Variants in RMDN2 observed in about 807,000 individuals in gnomAD.
RMDN2 encodes the protein regulator of microtubule dynamics protein 2.
Under a neutral mutation model 52.8 loss-of-function variants are expected in RMDN2, and 61 were observed. That is an observed-to-expected ratio of 1.16 (90% CI 0.94 to 1.43). The LOEUF (loss-of-function observed/expected upper bound fraction) is 1.43, where lower values mean the gene tolerates loss of function less well. Ranked by LOEUF, RMDN2 falls within the 40% of genes most tolerant of loss-of-function variation. The pLI is 0.00. For synonymous variants in RMDN2, 180 were observed against 153.1 expected (o/e 1.18, Z -1.30); for missense variants, 592 against 475.3 (o/e 1.25, Z -2.28).
chr2:37,956,799 C>T (rs1669531374), intron 2 of RMDN2, among the ~76,000 whole-genome samples: 1 of 152,074 alleles, frequency 6.6e-6, no homozygotes, highest in African/African-American at 2.4e-5. Flanking sequence ...AACGCTACCC[C>T]TCCCCTTGCT....
chr2:37,930,759 G>A (rs1162553654), intron 2 of RMDN2, among the ~76,000 whole-genome samples: 1 of 152,200 alleles, frequency 6.6e-6, no homozygotes, highest in Non-Finnish European at 1.5e-5. Flanking sequence ...CTTCCCTGGT[G>A]GACTCCAGAG....
At chr2:37,933,585 C>T (rs895929835) in intron 2 of RMDN2, among the ~76,000 whole-genome samples, 4 of 152,260 alleles carry the variant, frequency 2.6e-5, no homozygotes, top group Non-Finnish European at 4.4e-5. Flanking sequence ...GCCCGGCCAA[C>T]ACAGCGAAAC....
intron 10 of RMDN2, among the ~76,000 whole-genome samples, chr2:38,061,370 G>C (rs867408879): frequency 1.3e-5 from 2 of 152,152 alleles, no homozygotes; most frequent in East Asian, 1.9e-4. Context: ...GCTGATTATG[G>C]GCCAATGTCA....
At chr2:38,057,584 C>G (rs1681895842) in intron 10 of RMDN2, among the ~76,000 whole-genome samples, 1 of 152,110 alleles carries the variant, frequency 6.6e-6, no homozygotes. Context: ...GATATAGAAA[C>G]CACTTTATTT....
intron 10 of RMDN2, among the ~76,000 whole-genome samples, chr2:38,008,970 G>A (rs1214331296): frequency 1.3e-5 from 2 of 152,152 alleles, no homozygotes; most frequent in East Asian, 1.9e-4. Context: ...ATGAAGCTTA[G>A]TTTGGCTGGA....
intron 8 of RMDN2, among the ~76,000 whole-genome samples, chr2:38,000,669 T>C (rs1676195030): frequency 6.6e-6 from 1 of 152,248 alleles, no homozygotes; most frequent in African/African-American, 2.4e-5. Context: ...TTATTGAGTG[T>C]ATCAGCAGCT....
At chr2:38,019,193 G>T (rs1027985454), downstream of RMDN2, among the ~76,000 whole-genome samples, 2 of 152,174 alleles carry the variant, frequency 1.3e-5, no homozygotes, top group African/African-American at 4.8e-5. Context: ...AGCACCAAAT[G>T]ACATAGAATC....
intron 2 of RMDN2, among the ~76,000 whole-genome samples, chr2:37,945,020 C>T (rs190953668): frequency 7.2e-5 from 11 of 152,262 alleles, no homozygotes; most frequent in Admixed American, 3.9e-4. Flanking sequence ...ATTGGGATAA[C>T]GTCGAAGAAA....
chr2:38,045,069 GAGT>G (rs1422435623), intron 10 of RMDN2, among the ~76,000 whole-genome samples: 1 of 151,906 alleles, frequency 6.6e-6, no homozygotes, highest in East Asian at 1.9e-4. Context: ...TTTTTGTCAA[GAGT>G]AGGTTTATAT....
intron 10 of RMDN2, among the ~76,000 whole-genome samples, chr2:38,054,020 C>T (rs1681746594): frequency 6.6e-6 from 1 of 152,136 alleles, no homozygotes; most frequent in African/African-American, 2.4e-5. Context: ...GATTAATTTC[C>T]AGTTGACCAC....
At chr2:38,011,135 CCATGGGT>C (rs1677928371) in intron 10 of RMDN2, among the ~76,000 whole-genome samples, 1 of 152,172 alleles carries the variant, frequency 6.6e-6, no homozygotes, top group South Asian at 2.1e-4. Flanking sequence ...AGGGGAGTGA[CCATGGGT>C]TGCCATCCTC....
intron 2 of RMDN2, among the ~76,000 whole-genome samples, chr2:37,967,732 T>A (rs541756254): frequency 2.4e-4 from 36 of 152,358 alleles, no homozygotes; most frequent in African/African-American, 8.7e-4. Flanking sequence ...AGAGTTTCTT[T>A]CAGTGGGAAA....
At chr2:38,033,494 C>G (rs1349347566) in intron 10 of RMDN2, among the ~76,000 whole-genome samples, 1 of 152,192 alleles carries the variant, frequency 6.6e-6, no homozygotes, top group Non-Finnish European at 1.5e-5. Flanking sequence ...GTGATACAAT[C>G]CCAACAATCA....
chr2:38,037,234 G>A (rs962639425), intron 10 of RMDN2, among the ~76,000 whole-genome samples: 1 of 152,100 alleles, frequency 6.6e-6, no homozygotes, highest in African/African-American at 2.4e-5. Flanking sequence ...CAAATAAATG[G>A]ACATAAAGCA....
chr2:37,981,827 CA>C (rs573016623), intron 5 of RMDN2, among the ~76,000 whole-genome samples: 2,167 of 147,370 alleles, frequency 0.015, 24 homozygotes, highest in Middle Eastern at 0.035. Context: ...ATCCTTAGAG[CA>C]AAAAAAAAAT....
chr2:38,059,047 A>G (rs898625612), intron 10 of RMDN2, among the ~76,000 whole-genome samples: 2 of 152,216 alleles, frequency 1.3e-5, no homozygotes, highest in Admixed American at 1.3e-4. Context: ...AAAACGTCCA[A>G]TAAATTGAAA....
chr2:38,021,938 G>A (rs1330207266), downstream of RMDN2, among the ~76,000 whole-genome samples: 1 of 152,212 alleles, frequency 6.6e-6, no homozygotes, highest in East Asian at 1.9e-4. Context: ...CTGCTATAGA[G>A]GATACATAGG....
At chr2:37,960,158 C>T (rs935981230) in intron 2 of RMDN2, among the ~76,000 whole-genome samples, 1 of 152,032 alleles carries the variant, frequency 6.6e-6, no homozygotes, top group Admixed American at 6.6e-5. Context: ...TCTATTAGGT[C>T]CTCTTGATCC....
chr2:37,934,162 C>G (rs994535478), intron 2 of RMDN2, among the ~76,000 whole-genome samples: 30 of 152,190 alleles, frequency 2.0e-4, no homozygotes, highest in African/African-American at 7.2e-4. Flanking sequence ...ATATCAGCCA[C>G]AATTTTCTAA....
Sources: gnomAD v4.1 joint callset for allele counts (sites outside exome capture counted in the v4.1 genomes callset) on GRCh38, gnomAD v4.1.1 for gene constraint, MANE v1.5 for transcripts, NCBI Gene and HGNC (gene_info 2026-07-23, HGNC 2026-07-21) for gene names.